The following LPP variants were observed in gnomAD, a reference collection of about 807,000 sequenced individuals.
LPP encodes LIM domain containing preferred translocation partner in lipoma.
In LPP, 38 loss-of-function variants were observed where a neutral mutation model predicts 60.4. The ratio of observed to expected loss-of-function variants is 0.63; its 90% confidence interval spans 0.49 to 0.83. LPP has a LOEUF of 0.83. Ranked by LOEUF, LPP falls within the 40% of genes least tolerant of loss-of-function variation. The probability of loss-of-function intolerance (pLI) is 0.00; values close to 1 mark genes in which losing one functional copy is unlikely to be tolerated. For synonymous variants in LPP, 328 were observed against 290.8 expected (o/e 1.13, Z -1.30); for missense variants, 902 against 783.6 (o/e 1.15, Z -1.80).
intron 9 of LPP, among the ~76,000 whole-genome samples, chr3:188,851,441 C>T (rs954204728): frequency 6.6e-6 from 1 of 152,160 alleles, no homozygotes; most frequent in Non-Finnish European, 1.5e-5. Context: ...CAGGGATAAT[C>T]AAGAGCTTGC....
At chr3:188,828,049 A>C (rs1756052344) in intron 9 of LPP, among the ~76,000 whole-genome samples, 2 of 152,184 alleles carry the variant, frequency 1.3e-5, no homozygotes, top group Admixed American at 1.3e-4. Context: ...TTATCTGCTC[A>C]GCAAATATTA....
intron 4 of LPP, among the ~76,000 whole-genome samples, chr3:188,426,317 CTGTT>C (rs1789332654): frequency 2.0e-5 from 3 of 152,124 alleles, no homozygotes; most frequent in Admixed American, 6.6e-5. Context: ...GACTGAGAAA[CTGTT>C]TGTTATGATT....
At chr3:188,259,413 T>C (rs1272329599) in intron 2 of LPP, among the ~76,000 whole-genome samples, 12 of 152,196 alleles carry the variant, frequency 7.9e-5, no homozygotes, top group Admixed American at 7.9e-4. Context: ...GTGTGGGATC[T>C]GCCCGATCCT....
At chr3:188,324,534 C>T (rs1757845557) in intron 2 of LPP, among the ~76,000 whole-genome samples, 1 of 152,212 alleles carries the variant, frequency 6.6e-6, no homozygotes, top group African/African-American at 2.4e-5. Flanking sequence ...TTAACTACTT[C>T]TCCTGCTCAG....
At chr3:188,154,356 G>A (rs1271688090) in intron 1 of LPP, among the ~76,000 whole-genome samples, 104 bp downstream of exon 1, 1 of 152,068 alleles carries the variant, frequency 6.6e-6, no homozygotes, top group Non-Finnish European at 1.5e-5. Context: ...CAAGAGCGCA[G>A]GGCGCGCGCC....
chr3:188,459,665 C>T (rs994642825), intron 4 of LPP, among the ~76,000 whole-genome samples: 5 of 151,964 alleles, frequency 3.3e-5, no homozygotes, highest in East Asian at 1.9e-4. Flanking sequence ...AAAATGAAAA[C>T]GATAGGAAAG....
At chr3:188,362,854 G>A (rs2150967762) in intron 3 of LPP, among the ~76,000 whole-genome samples, 1 of 152,244 alleles carries the variant, frequency 6.6e-6, no homozygotes, top group African/African-American at 2.4e-5. Context: ...TTGATGATCA[G>A]AGCCTTCCAT....
At chr3:188,742,786 A>G (rs1415802572) in intron 8 of LPP, among the ~76,000 whole-genome samples, 2 of 152,196 alleles carry the variant, frequency 1.3e-5, no homozygotes, top group Non-Finnish European at 2.9e-5. Context: ...CAAAGTGTAC[A>G]GTTAAAATGG....
intron 3 of LPP, among the ~76,000 whole-genome samples, chr3:188,369,124 C>G (rs990041866): frequency 6.6e-6 from 1 of 152,126 alleles, no homozygotes; most frequent in Non-Finnish European, 1.5e-5. Context: ...CTGCCCATGT[C>G]TAAACCTGGG....
At chr3:188,173,993 C>A (rs1465319396) in intron 1 of LPP, among the ~76,000 whole-genome samples, 1 of 152,180 alleles carries the variant, frequency 6.6e-6, no homozygotes, top group Non-Finnish European at 1.5e-5. Flanking sequence ...GGACTTAACC[C>A]TCACAAAATG....
chr3:188,571,136 T>C (rs760123714), intron 6 of LPP, among the ~76,000 whole-genome samples: 3 of 152,078 alleles, frequency 2.0e-5, no homozygotes, highest in Non-Finnish European at 4.4e-5. Context: ...AAGATTTTCC[T>C]TCTGGGCAAA....
chr3:188,166,776 G>T (rs1720089818), intron 1 of LPP, among the ~76,000 whole-genome samples: 1 of 151,798 alleles, frequency 6.6e-6, no homozygotes, highest in African/African-American at 2.4e-5. Context: ...GCAAATCCTG[G>T]GATGTTATAA....
chr3:188,738,478 T>C (rs1410397586), intron 8 of LPP, among the ~76,000 whole-genome samples: 1 of 152,162 alleles, frequency 6.6e-6, no homozygotes. Context: ...TTGTTCCTAA[T>C]TGTTTAATGG....
chr3:188,470,442 A>G (rs1801570655), intron 4 of LPP, among the ~76,000 whole-genome samples: 1 of 146,202 alleles, frequency 6.8e-6, no homozygotes, highest in Non-Finnish European at 1.5e-5. Flanking sequence ...ATTCCTGCAT[A>G]TACCCACTCA....
At chr3:188,236,290 G>A (rs1721901605) in intron 2 of LPP, among the ~76,000 whole-genome samples, 2 of 152,144 alleles carry the variant, frequency 1.3e-5, no homozygotes, top group African/African-American at 4.8e-5. Context: ...AAATTCACTG[G>A]CCTGAGAAGG....
intron 7 of LPP, among the ~76,000 whole-genome samples, chr3:188,703,833 A>G (rs1560089667): frequency 6.6e-6 from 1 of 152,202 alleles, no homozygotes; most frequent in African/African-American, 2.4e-5. Context: ...TTTATACTTG[A>G]AATGTAAGTG....
rs1042988098 is a variant in LPP, at chr3:188,877,715, C to T, written c.*3236C>T. On this transcript the variant is annotated 3_prime_UTR_variant, in exon 12 of 12. Transcript: ENST00000617246. ...AAAATAAAATAAAAACCAAATTAGC[C>T]AGACATGGTGGCATGCGCTTGTTTA... is the stretch of plus-strand genomic sequence containing the variant. The T allele has an allele frequency of 5.1e-6, 1 of 197,848 alleles. No homozygotes were observed. Among genetic ancestry groups the T allele is most frequent in the Non-Finnish European group, 1.0e-5 (1 of 95,558 alleles). 12.3% of individuals were successfully genotyped at this position (197,848 alleles called of 1,614,324 possible).
intron 7 of LPP, among the ~76,000 whole-genome samples, chr3:188,693,451 A>G (rs767416977): frequency 1.2e-4 from 18 of 152,136 alleles, no homozygotes; most frequent in Non-Finnish European, 2.2e-4. Flanking sequence ...TTTAACAGAG[A>G]TGTTTCTCTC....
intron 4 of LPP, among the ~76,000 whole-genome samples, chr3:188,449,207 G>A (rs753340290): frequency 6.6e-6 from 1 of 152,138 alleles, no homozygotes; most frequent in Non-Finnish European, 1.5e-5. Flanking sequence ...GATCCACTGG[G>A]CTGAGTTAAA....
Sources: gnomAD v4.1 joint callset for allele counts (sites outside exome capture counted in the v4.1 genomes callset) on GRCh38, gnomAD v4.1.1 for gene constraint, MANE v1.5 for transcripts, NCBI Gene and HGNC (gene_info 2026-07-23, HGNC 2026-07-21) for gene names.